Variants in ATP6V1E2 observed in about 807,000 individuals in gnomAD.
The protein encoded by ATP6V1E2 is ATPase H+ transporting V1 subunit E2.
For synonymous variants in ATP6V1E2, 121 were observed against 104.2 expected (o/e 1.16, Z -0.98); for missense variants, 308 against 273.3 (o/e 1.13, Z -0.90).
chr2:46,532,868 G>A (rs1032682512), intron 4 of ATP6V1E2, among the ~76,000 whole-genome samples: 2 of 152,110 alleles, frequency 1.3e-5, no homozygotes, highest in Admixed American at 1.3e-4. Flanking sequence ...TGCTATGACA[G>A]CAGGAAGAGA....
chr2:46,525,463 AAAAAAAAAAAAAAG>A (rs1335502693), intron 4 of ATP6V1E2, among the ~76,000 whole-genome samples: 4 of 126,248 alleles, frequency 3.2e-5, no homozygotes, highest in Non-Finnish European at 4.8e-5. Context: ...CTCCGTCTCA[AAAAAAAAAAAAAAG>A]AAAAAAAAAA....
rs894659170 is a variant in ATP6V1E2 at position 46,512,026 on chromosome 2, G to A, written c.*5C>T. The A allele has an allele frequency of 3.2e-6, 5 of 1,565,846 alleles. No individual in the cohort carries two copies. The African/African-American group carries it at 5.5e-5, about 17-fold the overall frequency. On this transcript the variant is annotated 3_prime_UTR_variant, in exon 5 of 5. Coordinates refer to ENST00000522587, the MANE Select transcript of ATP6V1E2 (RefSeq NM_001318063.2). ...GGTTCAACACTAGCTTCACTTCCCA[G>A]AGGCTTATATAAAGAACTTTCTGTT...
At chr2:46,533,266 G>T (rs1326548483) in intron 4 of ATP6V1E2, among the ~76,000 whole-genome samples, 1 of 150,808 alleles carries the variant, frequency 6.6e-6, no homozygotes, top group African/African-American at 2.4e-5. Context: ...ATGGTTTGGG[G>T]TTTTTTTGTT....
intron 4 of ATP6V1E2, among the ~76,000 whole-genome samples, chr2:46,518,475 T>TAC (rs1176291250): frequency 9.5e-6 from 1 of 105,612 alleles, no homozygotes; most frequent in Non-Finnish European, 1.9e-5. Context: ...AAACATTTGT[T>TAC]ACACACACAC....
At chr2:46,517,749 A>G (rs1254192872) in intron 4 of ATP6V1E2, among the ~76,000 whole-genome samples, 2 of 152,344 alleles carry the variant, frequency 1.3e-5, no homozygotes, top group East Asian at 1.9e-4. Flanking sequence ...CATGTGCTCA[A>G]CATCAATCAT....
At chr2:46,513,271 G>A (rs189853521) in intron 4 of ATP6V1E2, among the ~76,000 whole-genome samples, 1 of 152,280 alleles carries the variant, frequency 6.6e-6, no homozygotes, top group East Asian at 1.9e-4. Flanking sequence ...ACGATACAGA[G>A]AAAAAGGAGT....
chr2:46,537,081 C>T (rs936479759), intron 2 of ATP6V1E2, among the ~76,000 whole-genome samples: 1 of 152,212 alleles, frequency 6.6e-6, no homozygotes, highest in African/African-American at 2.4e-5. Context: ...CTTTGCCTGG[C>T]CTCTCCTAAA....
chr2:46,534,724 T>C (rs1667356233), intron 4 of ATP6V1E2: 1 of 151,916 alleles, frequency 6.6e-6, no homozygotes, highest in Admixed American at 6.6e-5. Context: ...GGAGGAAGTC[T>C]AGAGTTACCT....
chr2:46,520,872 C>A (rs1296074903), intron 4 of ATP6V1E2, among the ~76,000 whole-genome samples: 1 of 150,972 alleles, frequency 6.6e-6, no homozygotes, highest in Non-Finnish European at 1.5e-5. Context: ...TTCTTTTTTG[C>A]CTTTTTCAAA....
chr2:46,539,024 C>G (rs1011993182), intron 2 of ATP6V1E2, among the ~76,000 whole-genome samples: 3 of 152,174 alleles, frequency 2.0e-5, no homozygotes, highest in Non-Finnish European at 4.4e-5. Flanking sequence ...CATCTTGAAT[C>G]AGGTGTCCAC....
At chr2:46,518,452 G>A (rs1666405278) in intron 4 of ATP6V1E2, among the ~76,000 whole-genome samples, 1 of 146,738 alleles carries the variant, frequency 6.8e-6, no homozygotes. Context: ...TAACAGTACT[G>A]TACCATACTC....
chr2:46,537,270 G>C (rs1455068339), intron 2 of ATP6V1E2: 34 of 152,226 alleles, frequency 2.2e-4, no homozygotes. Context: ...GGGCAGGGCT[G>C]ATATGCCCAA....
In ATP6V1E2 at chr2:46,530,547, T is replaced by C. The variant is rs1376399262; in HGVS notation, c.-102+5266A>G. ...TTATTATATATGATATAATTATCAG[T>C]ATGGCTGGATTTAAGTCTTTTATCT... On this transcript the variant is annotated intron_variant, in intron 4 of 4. Coordinates refer to ENST00000522587, the MANE Select transcript of ATP6V1E2 (RefSeq NM_001318063.2). The surrounding 1 kb of genome is among the most constrained non-coding windows in gnomAD (Gnocchi z 5.2). Among the ~76,000 whole-genome samples, 1 of 152,244 alleles carries C rather than the reference T, an allele frequency of 6.6e-6. No individual in the cohort carries two copies. The highest frequency in any genetic ancestry group is 2.4e-5 in the African/African-American group (1 of 41,462).
chr2:46,514,258 G>T (rs1360526054), intron 4 of ATP6V1E2, among the ~76,000 whole-genome samples: 1 of 151,878 alleles, frequency 6.6e-6, no homozygotes, highest in Admixed American at 6.6e-5. Context: ...CAGCTTGGGT[G>T]ACAAGAGTGA....
At chr2:46,541,150 G>T (rs1294626056) in intron 2 of ATP6V1E2, among the ~76,000 whole-genome samples, 1 of 152,216 alleles carries the variant, frequency 6.6e-6, no homozygotes, top group Non-Finnish European at 1.5e-5. Context: ...TGCAAGCCAA[G>T]AATGGGGCAG....
intron 4 of ATP6V1E2, among the ~76,000 whole-genome samples, chr2:46,526,753 A>G (rs1666941321): frequency 6.6e-6 from 1 of 152,172 alleles, no homozygotes; most frequent in African/African-American, 2.4e-5. Context: ...TTGTGTGTAT[A>G]TACCATATTT....
chr2:46,515,607 G>A (rs1464655693), intron 4 of ATP6V1E2, among the ~76,000 whole-genome samples: 2 of 151,932 alleles, frequency 1.3e-5, no homozygotes, highest in East Asian at 1.9e-4. Flanking sequence ...GGAAAAGAGA[G>A]ACAAAAAGCC....
intron 4 of ATP6V1E2, among the ~76,000 whole-genome samples, chr2:46,516,298 A>C (rs895915870): frequency 6.6e-6 from 1 of 152,250 alleles, no homozygotes; most frequent in African/African-American, 2.4e-5. Flanking sequence ...GAATCTCAAT[A>C]AATTTAAGAA....
At chr2:46,539,239 A>G (rs1667598858) in intron 2 of ATP6V1E2, among the ~76,000 whole-genome samples, 1 of 152,206 alleles carries the variant, frequency 6.6e-6, no homozygotes, top group African/African-American at 2.4e-5. Flanking sequence ...AATACCCGGG[A>G]CCATAACTGG....
Sources: gnomAD v4.1 joint callset for allele counts (sites outside exome capture counted in the v4.1 genomes callset) on GRCh38, gnomAD v4.1.1 for gene constraint, Gnocchi (gnomAD v3.1) non-coding constraint, MANE v1.5 for transcripts, NCBI Gene and HGNC (gene_info 2026-07-23, HGNC 2026-07-21) for gene names.